PRSS23: variants seen among roughly 807,000 people sequenced by gnomAD.
The protein encoded by PRSS23 is protease, serine 23.
A neutral mutation model predicts 34.7 loss-of-function variants in PRSS23; 25 were observed. The ratio of observed to expected loss-of-function variants is 0.72; its 90% CI spans 0.53 to 1.01. PRSS23 has a LOEUF of 1.01. PRSS23 is among the 50% of genes least tolerant of loss of function. The pLI is 0.00. For missense variants in PRSS23, 445 were observed against 475.6 expected, an observed-to-expected ratio of 0.94 and a Z score of 0.60; for synonymous variants, 176 against 186.6, an observed-to-expected ratio of 0.94 and a Z score of 0.46.
At chr11:86,928,822 A>G (rs551270459) in intron 2 of PRSS23, among the ~76,000 whole-genome samples, 4 of 151,236 alleles carry the variant, frequency 2.6e-5, no homozygotes, top group South Asian at 4.2e-4. Flanking sequence ...AAGTAAATCA[A>G]AATAAAACAA....
chr11:86,865,016 C>T (rs1948640791), intron 2 of PRSS23, among the ~76,000 whole-genome samples: 1 of 152,244 alleles, frequency 6.6e-6, no homozygotes, highest in Admixed American at 6.5e-5. Context: ...ATAACCACAT[C>T]TACAAAGTTC....
At chr11:86,941,161 T>C (rs1287153268) in intron 2 of PRSS23, 5 of 152,218 alleles carry the variant, frequency 3.3e-5, no homozygotes, top group African/African-American at 9.7e-5. Flanking sequence ...CTTCCCTACA[T>C]ATTTACATCA....
At chr11:86,830,009 C>A (rs1948338307) in intron 2 of PRSS23, among the ~76,000 whole-genome samples, 1 of 152,192 alleles carries the variant, frequency 6.6e-6, no homozygotes, top group South Asian at 2.1e-4. Context: ...AGAACCACTG[C>A]TCTCTTCAAA....
chr11:86,857,855 G>C (rs1948583328), intron 2 of PRSS23: 1 of 532,330 alleles, frequency 1.9e-6, no homozygotes, highest in Non-Finnish European at 3.7e-6. Flanking sequence ...GTGTGGAAGT[G>C]GGGGTCAGAG....
chr11:86,950,373 A>C (rs1565396395), intron 2 of PRSS23: 1 of 152,682 alleles, frequency 6.5e-6, no homozygotes, highest in Admixed American at 6.5e-5. Flanking sequence ...CAGTACAAAA[A>C]TTCTATAAAA....
Position 86,802,521 on chromosome 11 carries a change from C to T in PRSS23, c.-14+1870C>T, listed in dbSNP as rs186507766. On this transcript the variant is annotated intron_variant, in intron 1 of 1. Coordinates refer to ENST00000280258, the MANE Select transcript of PRSS23 (RefSeq NM_007173.6). The stretch of plus-strand genomic sequence containing the variant: ...GCTTTAGGATTTAGCATGATTTCAC[C>T]GTTCCATATCACTGACCACTGATTC... Among the ~76,000 whole-genome samples, 381 of 152,274 alleles carry T rather than the reference C, an allele frequency of 2.5e-3. 2 individuals are homozygous for T. Among genetic ancestry groups the T allele is most frequent in the African/African-American group, 8.6e-3 (356 of 41,546 alleles).
intron 1 of PRSS23, among the ~76,000 whole-genome samples, chr11:86,820,335 A>G (rs1948243567): frequency 6.6e-6 from 1 of 152,254 alleles, no homozygotes; most frequent in Non-Finnish European, 1.5e-5. Context: ...TAAGCAATTA[A>G]TACAAATATA....
rs774235432 is a variant in PRSS23, at chr11:86,808,095, C to G, written c.452C>G (p.Ser151Ter). 1.2e-6 allele frequency: 2 copies of G among 1,614,066 alleles called. No homozygotes were observed. The highest frequency in any genetic ancestry group is 2.7e-5 in the African/African-American group (2 of 74,920). Residue 151 changes from serine to a stop codon, truncating the protein, a stop_gained, in exon 2 of 2, where the codon TCA becomes TGA. Coordinates refer to ENST00000280258, the MANE Select transcript of PRSS23 (RefSeq NM_007173.6). LOFTEE classifies it high-confidence loss of function. ...GKDFLLNYPF[S>*]TSVKLSTGCT... ...GACTTCCTGCTCAACTACCCTTTCT[C>G]AACATCAGTGAAGTTATCCACGGGC...
intron 2 of PRSS23, among the ~76,000 whole-genome samples, chr11:86,878,520 C>T (rs531861595): frequency 1.3e-5 from 2 of 152,198 alleles, no homozygotes; most frequent in Non-Finnish European, 2.9e-5. Context: ...CAGCCTCGGC[C>T]TCCTGAGGTG....
downstream of PRSS23, among the ~76,000 whole-genome samples, chr11:86,815,604 C>T (rs2068508341): frequency 6.6e-6 from 1 of 152,178 alleles, no homozygotes; most frequent in African/African-American, 2.4e-5. Flanking sequence ...TGTTACATTG[C>T]TGTTGTTATT....
chr11:86,950,515 T>C (rs1949280711), intron 2 of PRSS23: 2 of 159,330 alleles, frequency 1.3e-5, no homozygotes, highest in African/African-American at 4.8e-5. Flanking sequence ...TACAGTACTT[T>C]TGTTTGTTCA....
chr11:86,913,366 G>C (rs945655263), intron 2 of PRSS23, among the ~76,000 whole-genome samples: 1 of 146,024 alleles, frequency 6.8e-6, no homozygotes, highest in African/African-American at 2.5e-5. Flanking sequence ...GTTTGTTTTT[G>C]GTTCTTCTCC....
chr11:86,886,088 C>G (rs948739), intron 2 of PRSS23, among the ~76,000 whole-genome samples: 151,162 of 152,340 alleles, frequency 0.99, 75,041 homozygotes, highest in Middle Eastern at 1. Flanking sequence ...AACAGACCAG[C>G]CATGATGGCT....
chr11:86,864,603 C>T (rs977742595), intron 2 of PRSS23, among the ~76,000 whole-genome samples: 6 of 152,252 alleles, frequency 3.9e-5, no homozygotes, highest in Non-Finnish European at 8.8e-5. Context: ...CAAAATTTTC[C>T]AGGGTGGATT....
At position 86,811,056 on chromosome 11, in the gene PRSS23, T is replaced by G. The variant is rs1205921784; in HGVS notation, c.*2261T>G. ...CCTTAAACACTCATGCCTTATGATT[T>G]TCTACCAAAAGTAAAAAGGGTTGTA... On this transcript the variant is annotated 3_prime_UTR_variant, in exon 2 of 2. Coordinates refer to ENST00000280258, the MANE Select transcript of PRSS23 (RefSeq NM_007173.6). 1 of 166,920 alleles carries G rather than the reference T, an allele frequency of 6.0e-6. No homozygotes were observed. The highest frequency in any genetic ancestry group is 6.5e-5 in the Admixed American group (1 of 15,284). 10.3% of individuals were successfully genotyped at this position (166,920 alleles called of 1,614,324 possible). A position where few individuals can be genotyped will look rare whatever the true frequency, so the allele number is the denominator to read the frequency against.
chr11:86,846,433 G>A (rs934276545), intron 2 of PRSS23, among the ~76,000 whole-genome samples: 4 of 152,274 alleles, frequency 2.6e-5, no homozygotes, highest in Non-Finnish European at 4.4e-5. Context: ...GTCTGGAAAA[G>A]GTTCTCTAAC....
At chr11:86,902,661 G>GT (rs1459486649) in intron 2 of PRSS23, among the ~76,000 whole-genome samples, 1 of 152,126 alleles carries the variant, frequency 6.6e-6, no homozygotes, top group African/African-American at 2.4e-5. Flanking sequence ...TACTACCTAT[G>GT]TTTTTTCTAG....
chr11:86,920,614 G>C (rs1949042081), intron 2 of PRSS23, among the ~76,000 whole-genome samples: 1 of 151,992 alleles, frequency 6.6e-6, no homozygotes, highest in African/African-American at 2.4e-5. Context: ...AGACTCTTCA[G>C]GAAGAGAGAA....
rs55794010 is a variant in PRSS23, at chr11:86,875,862, A to C, written c.206+52269A>C. Among the ~76,000 whole-genome samples the C allele has an allele frequency of 5.9e-3, 906 of 152,328 alleles. 7 individuals carry two copies. The highest frequency in any genetic ancestry group is 7.8e-3 in the Non-Finnish European group (532 of 68,018). ...AGACCAACTATCATTCTCACAACCA[A>C]CTTTCTAAAGACTTTTGACAATCTG... On this transcript the variant is annotated intron_variant, in intron 2 of 2. Transcript: ENST00000533902.
Sources: allele counts gnomAD v4.1 joint callset (sites outside exome capture counted in the v4.1 genomes callset), GRCh38; gene constraint gnomAD v4.1.1; transcripts MANE v1.5; gene names NCBI Gene and HGNC (gene_info 2026-07-23, HGNC 2026-07-21).